Variants in HNF4G observed in about 807,000 individuals in gnomAD.
HNF4G encodes the protein hepatocyte nuclear factor 4-gamma.
A neutral mutation model predicts 50.9 loss-of-function variants in HNF4G; 21 were observed. The observed-to-expected ratio is 0.41, with a 90% CI of 0.29 to 0.59. HNF4G has a LOEUF of 0.59. HNF4G is among the 20% of genes least tolerant of loss of function. The pLI is 0.26. For synonymous variants in HNF4G, 198 were observed against 185.6 expected, an observed-to-expected ratio of 1.07 and a Z score of -0.54; for missense variants, 527 against 559.4, an observed-to-expected ratio of 0.94 and a Z score of 0.58.
chr8:75,491,161 A>G (rs866013792), intron 2 of HNF4G, among the ~76,000 whole-genome samples: 3 of 152,182 alleles, frequency 2.0e-5, no homozygotes, highest in Non-Finnish European at 4.4e-5. Flanking sequence ...TGAAGTAGTA[A>G]TAATAATAGT....
At chr8:75,431,942 A>G (rs1460000312) in intron 1 of HNF4G, among the ~76,000 whole-genome samples, 1 of 151,894 alleles carries the variant, frequency 6.6e-6, no homozygotes, top group Non-Finnish European at 1.5e-5. Flanking sequence ...AAAAAACAAA[A>G]CAAAAACAAA....
chr8:75,555,656 A>C (rs535391356), intron 5 of HNF4G, among the ~76,000 whole-genome samples: 1 of 152,068 alleles, frequency 6.6e-6, no homozygotes, highest in South Asian at 2.1e-4. Context: ...AAGGTTAAAC[A>C]GGTAGTAAGT....
chr8:75,465,147 T>G, intron 1 of HNF4G, among the ~76,000 whole-genome samples: 1 of 152,312 alleles, frequency 6.6e-6, no homozygotes, highest in Admixed American at 6.5e-5. Flanking sequence ...AACTTACAGA[T>G]AGCCTCATAT....
chr8:75,515,444 T>C (rs1805863953), intron 2 of HNF4G, among the ~76,000 whole-genome samples: 1 of 151,976 alleles, frequency 6.6e-6, no homozygotes, highest in African/African-American at 2.4e-5. Flanking sequence ...ATTATAGAAA[T>C]TGGCTCACAT....
At chr8:75,474,134 T>C (rs1411502960) in intron 1 of HNF4G, among the ~76,000 whole-genome samples, 1 of 152,154 alleles carries the variant, frequency 6.6e-6, no homozygotes, top group Non-Finnish European at 1.5e-5. Flanking sequence ...AGAGATTCCT[T>C]CTCCCCTGAA....
At chr8:75,527,472 T>C (rs950174981) in intron 2 of HNF4G, among the ~76,000 whole-genome samples, 1 of 152,212 alleles carries the variant, frequency 6.6e-6, no homozygotes, top group African/African-American at 2.4e-5. Context: ...ATGTTCACAA[T>C]GACTTTGTAA....
rs528060813 is a variant in HNF4G, at chr8:75,504,937, G to A, written c.-24+14729G>A. 2.0e-5 allele frequency among the ~76,000 whole-genome samples: 3 copies of A among 152,112 alleles called. No homozygotes were observed. In the East Asian group the frequency reaches 5.8e-4, roughly 29 times the overall value. On this transcript the variant is annotated intron_variant, in intron 2 of 10. Coordinates refer to the HNF4G transcript ENST00000354370. ...TTGAATTATACCTATTATATTTGAT[G>A]GGACAAGAGAGGAAAGATGAGTGAA...
At position 75,424,063 on chromosome 8, in the gene HNF4G, C is replaced by T. The variant is rs190307042; in HGVS notation, c.-144+15901C>T. ...GTCTTGATCTCTTGACCTCGTGATC[C>T]GCCTGCCTCGGCCTCCCAAAGTGCT... On this transcript the variant is annotated intron_variant, in intron 1 of 10. Coordinates refer to the HNF4G transcript ENST00000354370. Among the ~76,000 whole-genome samples, 3 of 149,462 alleles carry T rather than the reference C, an allele frequency of 2.0e-5. No homozygotes were observed. The East Asian group carries it at 6.1e-4, about 30-fold the overall frequency.
intron 1 of HNF4G, among the ~76,000 whole-genome samples, chr8:75,447,017 C>T (rs1811436116): frequency 6.8e-6 from 1 of 146,362 alleles, no homozygotes; most frequent in East Asian, 2.1e-4. Context: ...CATCACACTA[C>T]CTGACTTCAA....
chr8:75,419,861 A>T (rs1744354304), intron 1 of HNF4G, among the ~76,000 whole-genome samples: 1 of 152,218 alleles, frequency 6.6e-6, no homozygotes, highest in Non-Finnish European at 1.5e-5. Flanking sequence ...GGTCCTAGCT[A>T]TTTAACTTCT....
At chr8:75,441,574 A>C (rs1811288282) in intron 1 of HNF4G, among the ~76,000 whole-genome samples, 1 of 152,138 alleles carries the variant, frequency 6.6e-6, no homozygotes, top group Admixed American at 6.5e-5. Flanking sequence ...TGTACAAGAA[A>C]ATATTATTAA....
chr8:75,436,820 G>T (rs1811152385), intron 1 of HNF4G, among the ~76,000 whole-genome samples: 1 of 108,092 alleles, frequency 9.3e-6, no homozygotes, highest in Admixed American at 8.9e-5. Flanking sequence ...GACATGGGAG[G>T]ATCACTTGAG....
intron 2 of HNF4G, among the ~76,000 whole-genome samples, chr8:75,522,986 G>T (rs1806085818): frequency 6.6e-6 from 1 of 152,056 alleles, no homozygotes; most frequent in Non-Finnish European, 1.5e-5. Context: ...CAGCACTTTG[G>T]GAGGTCTAGC....
At chr8:75,480,801 C>T (rs1812359548) in intron 1 of HNF4G, among the ~76,000 whole-genome samples, 1 of 150,564 alleles carries the variant, frequency 6.6e-6, no homozygotes, top group Non-Finnish European at 1.5e-5. Context: ...ACCTCTGCCT[C>T]CTGGGTTCAA....
intron 1 of HNF4G, among the ~76,000 whole-genome samples, chr8:75,456,557 T>C (rs957687991): frequency 6.6e-6 from 1 of 152,114 alleles, no homozygotes; most frequent in Admixed American, 6.6e-5. Context: ...ATTTATTTTA[T>C]TTTTAAATAG....
At chr8:75,429,368 CTT>C (rs369765326) in intron 1 of HNF4G, among the ~76,000 whole-genome samples, 3 of 151,620 alleles carry the variant, frequency 2.0e-5, no homozygotes, top group Admixed American at 1.3e-4. Flanking sequence ...CTCTTTCTCT[CTT>C]TTTTTTTCTT....
At position 75,560,937 on chromosome 8, in the gene HNF4G, G is replaced by A. The variant is rs192033508; in HGVS notation, c.1246+471G>A. Reference sequence around the variant, plus strand: ...GAATTCAATACAAAACATTTCAGTTGGTACACTGTAATTAAAACATTAGGA... The same window carrying A: ...GAATTCAATACAAAACATTTCAGTTAGTACACTGTAATTAAAACATTAGGA... On this transcript the variant is annotated intron_variant, in intron 9 of 9. Coordinates refer to ENST00000396423, the MANE Select transcript of HNF4G (RefSeq NM_004133.5). Among the ~76,000 whole-genome samples, 19 of 152,098 alleles carry A rather than the reference G, an allele frequency of 1.2e-4. No individual in the cohort carries two copies. In the East Asian group the frequency reaches 3.1e-3, roughly 25 times the overall value.
At chr8:75,558,372 CAA>C in intron 6 of HNF4G, 144 bp from the exon 7 acceptor site, 1 of 656,690 alleles carries the variant, frequency 1.5e-6, no homozygotes, top group Non-Finnish European at 2.5e-6. Context: ...GCATAACTAA[CAA>C]CACCACTGAG....
chr8:75,520,541 A>G (rs1806012371), intron 2 of HNF4G, among the ~76,000 whole-genome samples: 1 of 152,012 alleles, frequency 6.6e-6, no homozygotes, highest in Non-Finnish European at 1.5e-5. Context: ...GGGCTCAAGC[A>G]ATATTCCTAC....
Sources: allele counts gnomAD v4.1 joint callset (sites outside exome capture counted in the v4.1 genomes callset), GRCh38; gene constraint gnomAD v4.1.1; transcripts MANE v1.5; gene names NCBI Gene and HGNC (gene_info 2026-07-23, HGNC 2026-07-21).